The following CAMK1D variants were observed in gnomAD, a reference collection of about 807,000 sequenced individuals.
CAMK1D encodes calcium/calmodulin-dependent protein kinase type 1D.
A neutral mutation model predicts 47.7 loss-of-function variants in CAMK1D; 9 were observed. That is an observed-to-expected ratio of 0.19 (90% confidence interval 0.11 to 0.33). CAMK1D has a LOEUF of 0.33. Ranked by LOEUF, CAMK1D falls within the 10% of genes least tolerant of loss-of-function variation. The pLI is 1.00. For missense variants in CAMK1D, 291 were observed against 488.7 expected, an observed-to-expected ratio of 0.60 and a Z score of 3.81; for synonymous variants, 184 against 184.9, an observed-to-expected ratio of 0.99 and a Z score of 0.04.
At chr10:12,652,270 G>A (rs59951786) in intron 2 of CAMK1D, among the ~76,000 whole-genome samples, 3,867 of 151,890 alleles carry the variant, frequency 0.025, 80 homozygotes, top group South Asian at 0.12. Flanking sequence ...TTTTTAGTAG[G>A]AGAGTCTTCT....
intron 1 of CAMK1D, among the ~76,000 whole-genome samples, chr10:12,460,268 T>G (rs944297368): frequency 3.3e-5 from 5 of 151,596 alleles, no homozygotes; most frequent in Non-Finnish European, 5.9e-5. Context: ...ATTCTTTTTT[T>G]TTTTTTTGAA....
intron 2 of CAMK1D, among the ~76,000 whole-genome samples, chr10:12,659,237 A>C (rs777174259): frequency 3.3e-5 from 5 of 152,244 alleles, no homozygotes; most frequent in Non-Finnish European, 7.3e-5. Flanking sequence ...AGTTGTTTGA[A>C]CTTTCTCCTG....
At chr10:12,519,111 G>C (rs1341918845) in intron 1 of CAMK1D, among the ~76,000 whole-genome samples, 1 of 91,516 alleles carries the variant, frequency 1.1e-5, no homozygotes, top group South Asian at 5.4e-4. Flanking sequence ...CTGGCCGGGC[G>C]GGGGGCTGAC....
chr10:12,772,038 A>G (rs1302727737), intron 5 of CAMK1D, among the ~76,000 whole-genome samples: 2 of 25,590 alleles, frequency 7.8e-5, no homozygotes, highest in African/African-American at 1.6e-4. Flanking sequence ...TATCTCAGGA[A>G]AAAAAAAAAA....
chr10:12,648,052 A>C (rs1170352095), intron 2 of CAMK1D, among the ~76,000 whole-genome samples: 2 of 152,208 alleles, frequency 1.3e-5, no homozygotes, highest in African/African-American at 4.8e-5. Context: ...AGAGTCCAAG[A>C]ATTCAAAATT....
At chr10:12,387,466 G>C (rs1463241797) in intron 1 of CAMK1D, among the ~76,000 whole-genome samples, 1 of 67,530 alleles carries the variant, frequency 1.5e-5, no homozygotes, top group Non-Finnish European at 3.3e-5. Context: ...TATATATATA[G>C]ACATTGTAAA....
chr10:12,449,198 C>A (rs1208103813), intron 1 of CAMK1D, among the ~76,000 whole-genome samples: 1 of 152,092 alleles, frequency 6.6e-6, no homozygotes, highest in South Asian at 2.1e-4. Context: ...AAGAGGCCAA[C>A]CTAGCAAGTT....
chr10:12,692,509 C>T (rs1166922137), intron 3 of CAMK1D, among the ~76,000 whole-genome samples: 4 of 152,034 alleles, frequency 2.6e-5, no homozygotes, highest in Non-Finnish European at 2.9e-5. Flanking sequence ...AATGTCATAA[C>T]GTTGTTTATT....
At chr10:12,366,618 G>A (rs1837843857) in intron 1 of CAMK1D, among the ~76,000 whole-genome samples, 1 of 151,832 alleles carries the variant, frequency 6.6e-6, no homozygotes, top group African/African-American at 2.4e-5. Context: ...GAGATTGCGT[G>A]ACTGCACTCC....
rs184847960 is a variant in CAMK1D at position 12,666,935 on chromosome 10, T to A, written c.299+125T>A. The A allele has an allele frequency of 7.2e-5, 55 of 764,012 alleles. 1 individual carries two copies. In the Admixed American group the frequency reaches 1.2e-3, roughly 17 times the overall value. 47.3% of individuals were successfully genotyped at this position (764,012 alleles called of 1,614,324 possible). ...AGGCAGTAGGGAGCAGGGAGGCCTG[T>A]GGGATACTAGAGAGGCCTGTATCCA... On this transcript the variant is annotated intron_variant, in intron 3 of 10. Transcript: ENST00000619168.
At chr10:12,407,901 A>G (rs1206231438) in intron 1 of CAMK1D, among the ~76,000 whole-genome samples, 4 of 130,892 alleles carry the variant, frequency 3.1e-5, no homozygotes, top group Admixed American at 2.8e-4. Context: ...TCTGTCACCC[A>G]GGCTGGAGTG....
intron 2 of CAMK1D, among the ~76,000 whole-genome samples, chr10:12,605,564 T>C (rs1194952193): frequency 6.6e-6 from 1 of 151,966 alleles, no homozygotes; most frequent in Non-Finnish European, 1.5e-5. Flanking sequence ...GCCACCCTCT[T>C]CTCTGTGATC....
At chr10:12,759,252 T>G (rs2482059) in intron 3 of CAMK1D, among the ~76,000 whole-genome samples, 151,178 of 152,320 alleles carry the variant, frequency 0.99, 75,033 homozygotes, top group Middle Eastern at 1. Context: ...AGGAAGCTGA[T>G]GTAGGGTGGG....
At chr10:12,439,578 G>A (rs927600400) in intron 1 of CAMK1D, among the ~76,000 whole-genome samples, 1 of 152,140 alleles carries the variant, frequency 6.6e-6, no homozygotes, top group Non-Finnish European at 1.5e-5. Context: ...GAAGGGTCCC[G>A]GTTGTAGAGC....
At chr10:12,791,108 T>C (rs1204669772) in intron 5 of CAMK1D, 50 bp from the exon 6 acceptor site, 2 of 1,572,494 alleles carry the variant, frequency 1.3e-6, no homozygotes, top group East Asian at 4.5e-5. Flanking sequence ...CTGTCTTCAG[T>C]CCGAGGCATG....
In CAMK1D at chr10:12,557,011, GGGAGGGAGAC is replaced by G. The variant is rs1417019393; in HGVS notation, c.224+3661_224+3670del. Among the ~76,000 whole-genome samples the G allele has an allele frequency of 4.6e-5, 7 of 152,340 alleles. No homozygotes were observed. The South Asian group carries it at 1.2e-3, about 27-fold the overall frequency. On this transcript the variant is annotated intron_variant, in intron 2 of 10. Transcript: ENST00000619168. ...AGATTCGGAAGGAATGGGGAGAGCA[GGGAGGGAGAC>G]GGAGGATTCCAGGAGGGCTGCCGAG... is the stretch of plus-strand genomic sequence containing the variant.
intron 6 of CAMK1D, among the ~76,000 whole-genome samples, chr10:12,796,055 T>C (rs1838184117): frequency 6.6e-6 from 1 of 152,236 alleles, no homozygotes; most frequent in East Asian, 1.9e-4. Flanking sequence ...GATTCTGTGA[T>C]AACATGCGGC....
At chr10:12,799,319 A>C (rs1466219035) in intron 6 of CAMK1D, among the ~76,000 whole-genome samples, 1 of 152,160 alleles carries the variant, frequency 6.6e-6, no homozygotes, top group Non-Finnish European at 1.5e-5. Flanking sequence ...GGCCTCAGCC[A>C]ATGGGGTGGA....
At chr10:12,496,562 G>C (rs926383814) in intron 1 of CAMK1D, among the ~76,000 whole-genome samples, 3 of 152,174 alleles carry the variant, frequency 2.0e-5, no homozygotes, top group Admixed American at 6.5e-5. Flanking sequence ...TGGAACTATG[G>C]CCTCCATTCT....
Sources: gnomAD v4.1 joint callset for allele counts (sites outside exome capture counted in the v4.1 genomes callset) on GRCh38, gnomAD v4.1.1 for gene constraint, MANE v1.5 for transcripts, NCBI Gene and HGNC (gene_info 2026-07-23, HGNC 2026-07-21) for gene names.